Variants in CEP43 observed in about 807,000 individuals in gnomAD.
CEP43 encodes the protein FGFR1 oncogene partner.
Under a neutral mutation model 52.6 loss-of-function variants are expected in CEP43, and 36 were observed. The ratio of observed to expected loss-of-function variants is 0.68; its 90% CI spans 0.52 to 0.90. The LOEUF (loss-of-function observed/expected upper bound fraction) is 0.90, where lower values mean the gene tolerates loss of function less well. Ranked by LOEUF, CEP43 falls within the 40% of genes least tolerant of loss-of-function variation. The pLI is 0.00. For missense variants in CEP43, 506 were observed against 472.8 expected, an observed-to-expected ratio of 1.07 and a Z score of -0.65; for synonymous variants, 192 against 172.4, an observed-to-expected ratio of 1.11 and a Z score of -0.89.
At chr6:167,008,683 G>A (rs947356020) in intron 5 of CEP43, among the ~76,000 whole-genome samples, 1 of 151,900 alleles carries the variant, frequency 6.6e-6, no homozygotes, top group Non-Finnish European at 1.5e-5. Flanking sequence ...CACCGTGTTA[G>A]CCAGGATGGT....
At position 167,024,834 on chromosome 6, in the gene CEP43, C is replaced by T. The variant is rs1461520582; in HGVS notation, c.859C>T (p.Pro287Ser). The T allele has an allele frequency of 1.4e-5, 23 of 1,613,320 alleles. No homozygotes were observed. The highest frequency in any genetic ancestry group is 2.0e-5 in the Non-Finnish European group (23 of 1,179,438). Residue 287 changes from proline (P) to serine (S), a missense_variant, in exon 9 of 13, where the codon CCC becomes TCC. Coordinates refer to ENST00000366847, the MANE Select transcript of CEP43 (RefSeq NM_007045.4). ...AAGTCTGGCCTCGCTCTCGGATGCACCCCCCTTAAAAAGTGGACTCAGCTC... is the reference window on the plus strand; with the variant it reads ...AAGTCTGGCCTCGCTCTCGGATGCATCCCCCTTAAAAAGTGGACTCAGCTC... ...AGSLASLSDA[P>S]PLKSGLSSLA...
chr6:167,018,477 A>G (rs566585687), intron 7 of CEP43, among the ~76,000 whole-genome samples: 1 of 151,934 alleles, frequency 6.6e-6, no homozygotes, highest in Non-Finnish European at 1.5e-5. Context: ...TGCAACCTCC[A>G]ACTTCCTGGT....
At chr6:167,019,392 T>C (rs1191302751) in intron 7 of CEP43, among the ~76,000 whole-genome samples, 1 of 152,256 alleles carries the variant, frequency 6.6e-6, no homozygotes, top group Non-Finnish European at 1.5e-5. Flanking sequence ...GGTTTTAATC[T>C]GCAAAATGTG....
At chr6:167,006,584 A>G (rs1168495737) in intron 5 of CEP43, among the ~76,000 whole-genome samples, 1 of 150,864 alleles carries the variant, frequency 6.6e-6, no homozygotes, top group Non-Finnish European at 1.5e-5. Context: ...AACTATTTAT[A>G]TAGCATTTAC....
intron 1 of CEP43, 90 bp from the exon 2 acceptor site, chr6:166,999,970 G>C (rs1779694931): frequency 8.8e-7 from 1 of 1,138,118 alleles, no homozygotes; most frequent in African/African-American, 1.5e-5. Context: ...CAGCTCGTTG[G>C]CTTGCTCGTG....
At position 167,047,749 on chromosome 6, in the gene CEP43, A is replaced by G. The variant is rs539357795; in HGVS notation, c.*7771A>G. 1 of 152,220 alleles carries G rather than the reference A, an allele frequency of 6.6e-6. No individual in the cohort carries two copies. Among genetic ancestry groups the G allele is most frequent in the East Asian group, 1.9e-4 (1 of 5,186 alleles). The allele number at this position is 152,220 out of a possible 1,614,324, so 9.4% of individuals were successfully genotyped here. ...CTGTGATGTATTTTTATGACCTGGC[A>G]GCTTTTTTCTCATATCCCTGTTAGC... On this transcript the variant is annotated 3_prime_UTR_variant, in exon 13 of 13. Transcript: ENST00000366847.
At chr6:167,007,377 A>T (rs950059131) in intron 5 of CEP43, among the ~76,000 whole-genome samples, 10 of 152,166 alleles carry the variant, frequency 6.6e-5, no homozygotes, top group African/African-American at 1.7e-4. Flanking sequence ...TAGAGCCAGG[A>T]TAGGAATTCT....
chr6:167,024,827 G>C lies in CEP43; in HGVS notation c.852G>C (p.Ser284=). The change falls in exon 9 of 13, where the codon TCG becomes TCC. Residue 284 remains serine, a synonymous_variant. Coordinates refer to ENST00000366847, the MANE Select transcript of CEP43 (RefSeq NM_007045.4). ...RKQAGSLASL[S]DAPPLKSGLS... is the part of the protein sequence containing the mutation. The stretch of plus-strand genomic sequence containing the variant: ...AAGCAGGAAGTCTGGCCTCGCTCTC[G>C]GATGCACCCCCCTTAAAAAGTGGAC... 6.2e-7 allele frequency: 1 copy of C among 1,613,146 alleles called. No individual in the cohort carries two copies. Among genetic ancestry groups the C allele is most frequent in the Non-Finnish European group, 8.5e-7 (1 of 1,179,498 alleles).
At chr6:167,029,282 AAAC>A (rs1397151009) in intron 10 of CEP43, among the ~76,000 whole-genome samples, 3 of 152,208 alleles carry the variant, frequency 2.0e-5, no homozygotes, top group Admixed American at 1.3e-4. Context: ...AAAATGAAGA[AAAC>A]AAGAATCCTT....
chr6:167,039,895 A>G lies in CEP43; in HGVS notation c.1126-9A>G, dbSNP rs767635286. On this transcript the variant is annotated splice_polypyrimidine_tract_variant and intron_variant, in intron 12 of 12. Transcript: ENST00000366847. ...CACTTAATTATTTTCTTTCTTTTGA[A>G]CAACAAAGCTTGATGACCTCACACA... is the stretch of plus-strand genomic sequence containing the variant. 2.5e-6 allele frequency: 4 copies of G among 1,612,422 alleles called. No individual in the cohort carries two copies. Among genetic ancestry groups the G allele is most frequent in the Non-Finnish European group, 3.4e-6 (4 of 1,179,322 alleles).
At chr6:167,033,531 A>G (rs959042482) in intron 11 of CEP43, among the ~76,000 whole-genome samples, 1 of 152,188 alleles carries the variant, frequency 6.6e-6, no homozygotes, top group Non-Finnish European at 1.5e-5. Flanking sequence ...TATCTTTCCA[A>G]TTGGAAGTCT....
chr6:167,041,572 T>C lies in CEP43; in HGVS notation c.*1594T>C, dbSNP rs1780696139. On this transcript the variant is annotated 3_prime_UTR_variant, in exon 13 of 13. Transcript: ENST00000366847. ...AAACAGTCACTTTCTAAAAGCACTA[T>C]AGTTCTGGTCCCCTGGAATCTGGAT... 12 of 1,048,846 alleles carry C rather than the reference T, an allele frequency of 1.1e-5. No homozygotes were observed. The highest frequency in any genetic ancestry group is 1.7e-5 in the African/African-American group (1 of 60,166). 65.0% of individuals were successfully genotyped at this position (1,048,846 alleles called of 1,614,324 possible).
Position 167,041,883 on chromosome 6 carries a change from A to G in CEP43, c.*1905A>G, listed in dbSNP as rs41269611. ...GTGTCACTCAGACTGGAGTACAGTGATGCGATCTCGGCTCACTGCAACCTC... is the reference window on the plus strand; with the variant it reads ...GTGTCACTCAGACTGGAGTACAGTGGTGCGATCTCGGCTCACTGCAACCTC... On this transcript the variant is annotated 3_prime_UTR_variant, in exon 13 of 13. Coordinates refer to ENST00000366847, the MANE Select transcript of CEP43 (RefSeq NM_007045.4). The G allele has an allele frequency of 1.0e-2, 8,517 of 851,988 alleles. 140 individuals carry two copies. The highest frequency in any genetic ancestry group is 0.066 in the African/African-American group (3,624 of 54,730). The allele number at this position is 851,988 out of a possible 1,614,324, so 52.8% of individuals were successfully genotyped here.
At chr6:167,001,044 C>T (rs1779723769) in intron 2 of CEP43, among the ~76,000 whole-genome samples, 2 of 152,228 alleles carry the variant, frequency 1.3e-5, no homozygotes, top group African/African-American at 4.8e-5. Flanking sequence ...CAGTAGCCTT[C>T]TATGTCACCC....
Position 167,041,584 on chromosome 6 carries a change from C to T in CEP43, c.*1606C>T, listed in dbSNP as rs1160992888. ...TCTAAAAGCACTATAGTTCTGGTCC[C>T]CTGGAATCTGGATCACATGTATGAT... On this transcript the variant is annotated 3_prime_UTR_variant, in exon 13 of 13. Coordinates refer to ENST00000366847, the MANE Select transcript of CEP43 (RefSeq NM_007045.4). The T allele has an allele frequency of 9.5e-7, 1 of 1,048,020 alleles. No individual in the cohort carries two copies. The highest frequency in any genetic ancestry group is 1.2e-6 in the Non-Finnish European group (1 of 868,538). 64.9% of individuals were successfully genotyped at this position (1,048,020 alleles called of 1,614,324 possible). A position where few individuals can be genotyped will look rare whatever the true frequency, so the allele number is the denominator to read the frequency against.
Position 167,041,888 on chromosome 6 carries a change from A to G in CEP43, c.*1910A>G. The G allele has an allele frequency of 4.9e-6, 4 of 816,522 alleles. No individual in the cohort carries two copies. Among genetic ancestry groups the G allele is most frequent in the Non-Finnish European group, 6.0e-6 (4 of 668,280 alleles). The allele number at this position is 816,522 out of a possible 1,614,324, so 50.6% of individuals were successfully genotyped here. A position where few individuals can be genotyped will look rare whatever the true frequency, so the allele number is the denominator to read the frequency against. On this transcript the variant is annotated 3_prime_UTR_variant, in exon 13 of 13. Transcript: ENST00000366847. ...ACTCAGACTGGAGTACAGTGATGCG[A>G]TCTCGGCTCACTGCAACCTCCGCCT...
chr6:167,010,308 G>T (rs1779957631), intron 5 of CEP43, among the ~76,000 whole-genome samples: 1 of 152,070 alleles, frequency 6.6e-6, no homozygotes, highest in African/African-American at 2.4e-5. Context: ...GCTAGAACAG[G>T]TACTTACCAT....
In CEP43 at chr6:167,003,803, A is replaced by G. The variant is rs1426526482; in HGVS notation, c.292A>G (p.Thr98Ala). ...DFTLAVFQPETSTLQGLEGRE... is the reference protein window; with the variant it reads ...DFTLAVFQPEASTLQGLEGRE... ...TACTTTGGCTGTTTTTCAACCTGAA[A>G]CTAGCACAGTAAGAATAATGATTTT... Residue 98 changes from threonine (T) to alanine (A), a missense_variant, in exon 4 of 13, where the codon ACT becomes GCT. Thr to Ala is a moderately conservative substitution (Grantham distance 58, BLOSUM62 0). Transcript: ENST00000366847. 6.3e-7 allele frequency: 1 copy of G among 1,591,526 alleles called. No individual in the cohort carries two copies. Among genetic ancestry groups the G allele is most frequent in the Non-Finnish European group, 8.6e-7 (1 of 1,160,792 alleles).
chr6:167,016,515 G>A (rs1001526845), intron 7 of CEP43, among the ~76,000 whole-genome samples: 14 of 152,202 alleles, frequency 9.2e-5, no homozygotes, highest in African/African-American at 3.1e-4. Flanking sequence ...TCCTGCCTCG[G>A]CCTCCCAAAG....
Sources: gnomAD v4.1 joint callset for allele counts (sites outside exome capture counted in the v4.1 genomes callset) on GRCh38, gnomAD v4.1.1 for gene constraint, MANE v1.5 for transcripts, NCBI Gene and HGNC (gene_info 2026-07-23, HGNC 2026-07-21) for gene names.